LARP1: variants seen among roughly 807,000 people sequenced by gnomAD.
LARP1 encodes the protein la-related protein 1.
Under a neutral mutation model 122.7 loss-of-function variants are expected in LARP1, and 36 were observed. That is an observed-to-expected ratio of 0.29 (90% CI 0.22 to 0.39). The LOEUF (loss-of-function observed/expected upper bound fraction) is 0.39, where lower values mean the gene tolerates loss of function less well. Among genes scored for constraint, LARP1 ranks in the 10% least tolerant of loss-of-function variants. The pLI, the probability that LARP1 is intolerant of heterozygous loss-of-function variation, is 1.00. For synonymous variants in LARP1, 539 were observed against 528.7 expected, an observed-to-expected ratio of 1.02 and a Z score of -0.27; for missense variants, 1,040 against 1,403.6, an observed-to-expected ratio of 0.74 and a Z score of 4.14.
intron 1 of LARP1, among the ~76,000 whole-genome samples, chr5:154,732,134 C>G (rs185330603): frequency 4.6e-4 from 68 of 146,600 alleles, no homozygotes; most frequent in African/African-American, 1.7e-3. Flanking sequence ...CCACTGCACT[C>G]AAGCCTGGGC....
intron 3 of LARP1, among the ~76,000 whole-genome samples, chr5:154,791,384 T>G (rs1757340606): frequency 6.6e-6 from 1 of 151,550 alleles, no homozygotes; most frequent in Admixed American, 6.6e-5. Context: ...TGGCTAATTT[T>G]TGTATATTTT....
chr5:154,736,165 C>T (rs571025763), intron 1 of LARP1, among the ~76,000 whole-genome samples: 4 of 150,454 alleles, frequency 2.7e-5, no homozygotes, highest in East Asian at 2.0e-4. Flanking sequence ...GGCGTGATCT[C>T]GGCTCACTGT....
chr5:154,697,181 G>C (rs1754504727), intron 1 of LARP1, among the ~76,000 whole-genome samples: 3 of 150,284 alleles, frequency 2.0e-5, no homozygotes, highest in Admixed American at 1.3e-4. Context: ...CAGACTGTGA[G>C]GGAGGTATGT....
At chr5:154,740,692 C>T (rs751727125) in intron 1 of LARP1, among the ~76,000 whole-genome samples, 50 of 152,306 alleles carry the variant, frequency 3.3e-4, no homozygotes, top group Non-Finnish European at 6.2e-4. Context: ...CACCATACTG[C>T]TGATTAAAGA....
At chr5:154,791,636 A>C (rs1582423672) in intron 3 of LARP1, among the ~76,000 whole-genome samples, 1 of 152,338 alleles carries the variant, frequency 6.6e-6, no homozygotes, top group Non-Finnish European at 1.5e-5. Context: ...TGTGTTATAC[A>C]TGGCGGGGCT....
At chr5:154,779,075 A>G (rs1298412558) in intron 1 of LARP1, among the ~76,000 whole-genome samples, 2 of 152,216 alleles carry the variant, frequency 1.3e-5, no homozygotes, top group Non-Finnish European at 2.9e-5. Flanking sequence ...ATTGCCCCAA[A>G]GAAATGAAAA....
At chr5:154,799,294 T>G (rs1374948434) in intron 8 of LARP1, among the ~76,000 whole-genome samples, 1 of 152,216 alleles carries the variant, frequency 6.6e-6, no homozygotes, top group African/African-American at 2.4e-5. Context: ...TGGCTTTTTG[T>G]CCAGATATTA....
intron 1 of LARP1, among the ~76,000 whole-genome samples, chr5:154,777,954 T>C (rs574644679): frequency 6.6e-6 from 1 of 152,340 alleles, no homozygotes; most frequent in East Asian, 1.9e-4. Flanking sequence ...CTCATGACTA[T>C]ACTTACTGCT....
chr5:154,684,908 G>A (rs1187854447), intron 1 of LARP1, among the ~76,000 whole-genome samples: 2 of 152,130 alleles, frequency 1.3e-5, no homozygotes, highest in African/African-American at 4.8e-5. Context: ...ACGTGGTTAG[G>A]GAGTGGGATA....
rs1754969321 is a variant in LARP1 at position 154,766,544 on chromosome 5, TTGC to T, written c.436+10354_436+10356del. ...ATCTCATTTGCTGGAAGAGGCACAG[TTGC>T]TGATGAACTGGTTGAGCTCATGCTT... On this transcript the variant is annotated intron_variant, in intron 1 of 18. Coordinates refer to ENST00000518297, the MANE Select transcript of LARP1 (RefSeq NM_033551.3). 2.0e-5 allele frequency among the ~76,000 whole-genome samples: 3 copies of T among 152,220 alleles called. No individual in the cohort carries two copies. In the South Asian group the frequency reaches 6.2e-4, roughly 32 times the overall value.
chr5:154,769,300 G>T (rs1755210060), intron 1 of LARP1, among the ~76,000 whole-genome samples: 1 of 152,208 alleles, frequency 6.6e-6, no homozygotes. Flanking sequence ...CCACAGCTTG[G>T]CTCTTGTAGG....
chr5:154,712,886 C>T (rs774082779), exon 1 of LARP1: 1 of 1,580,998 alleles, frequency 6.3e-7, no homozygotes, highest in Non-Finnish European at 8.7e-7. Flanking sequence ...GTACCTAAAC[C>T]CTCCAGGGCC....
At chr5:154,809,317 T>TAA (rs78404073) in intron 16 of LARP1, among the ~76,000 whole-genome samples, 31 of 137,970 alleles carry the variant, frequency 2.2e-4, no homozygotes, top group African/African-American at 7.5e-4. Context: ...CTGTTTCTAT[T>TAA]AAAAAAAAAA....
At chr5:154,750,914 A>G (rs974966143), upstream of LARP1, among the ~76,000 whole-genome samples, 2 of 152,178 alleles carry the variant, frequency 1.3e-5, no homozygotes, top group East Asian at 3.9e-4. Flanking sequence ...CACCTGGCCT[A>G]GTGTTTAAGC....
At chr5:154,782,395 C>T (rs1438316990) in intron 1 of LARP1, among the ~76,000 whole-genome samples, 1 of 152,140 alleles carries the variant, frequency 6.6e-6, no homozygotes, top group Non-Finnish European at 1.5e-5. Flanking sequence ...ATTTCAGGGA[C>T]TGGTACCAGC....
Position 154,794,151 on chromosome 5 carries a change from C to T in LARP1, c.1121C>T (p.Pro374Leu). ...CGAAAGTTTGATGGTGTGGAGGGGC[C>T]TCGTACGCCCAAGTACATGAACAAC... Reference protein sequence around the residue: ...GYRKFDGVEGPRTPKYMNNIT... With the variant: ...GYRKFDGVEGLRTPKYMNNIT... Residue 374 changes from proline (P) to leucine (L), a missense_variant, in exon 7 of 19, where the codon CCT becomes CTT. Pro to Leu is a moderately conservative substitution (Grantham distance 98). This residue lies in a region of LARP1 where 178 missense variants were observed against 178.3 expected (regional missense o/e 1.00). Coordinates refer to ENST00000518297, the MANE Select transcript of LARP1 (RefSeq NM_033551.3). The T allele has an allele frequency of 6.2e-7, 1 of 1,614,156 alleles. No homozygotes were observed. The highest frequency in any genetic ancestry group is 1.1e-5 in the South Asian group (1 of 91,084).
chr5:154,758,325 T>C (rs1302050631), intron 1 of LARP1, among the ~76,000 whole-genome samples: 1 of 152,184 alleles, frequency 6.6e-6, no homozygotes, highest in African/African-American at 2.4e-5. Flanking sequence ...CAAAGCAAAA[T>C]TCTGAGTAAG....
chr5:154,794,220 G>A lies in LARP1; in HGVS notation c.1190G>A (p.Ser397Asn), dbSNP rs1757571636. 1.9e-6 allele frequency: 3 copies of A among 1,614,080 alleles called. No individual in the cohort carries two copies. Among genetic ancestry groups the A allele is most frequent in the East Asian group, 4.5e-5 (2 of 44,888 alleles). Reference sequence around the variant, plus strand: ...AATGTCAGCAGCACCGAGCTTTACAGTGTGGATCAGGAACTGCTCAAAGAC... The same window carrying A: ...AATGTCAGCAGCACCGAGCTTTACAATGTGGATCAGGAACTGCTCAAAGAC... ...FDNVSSTELY[S>N]VDQELLKDYI... The change falls in exon 7 of 19, where the codon AGT becomes AAT. Residue 397 changes from serine (S) to asparagine (N), a missense_variant. Physicochemically the swap from Ser to Asn is conservative, Grantham distance 46 (BLOSUM62 1). Transcript: ENST00000518297.
intron 18 of LARP1, among the ~76,000 whole-genome samples, chr5:154,812,552 CT>C (rs1759369855): frequency 8.1e-6 from 1 of 123,236 alleles, no homozygotes; most frequent in South Asian, 2.7e-4. Flanking sequence ...CAGAGTCTTG[CT>C]CTGTCACCCA....
Sources: gnomAD v4.1 joint callset for allele counts (sites outside exome capture counted in the v4.1 genomes callset) on GRCh38, gnomAD v4.1.1 for gene constraint, gnomAD v4.1.1 regional missense constraint, MANE v1.5 for transcripts, NCBI Gene and HGNC (gene_info 2026-07-23, HGNC 2026-07-21) for gene names.